The following LIG1 variants were observed in gnomAD, a reference collection of about 807,000 sequenced individuals.
The protein encoded by LIG1 is DNA ligase 1.
Under a neutral mutation model 115.7 loss-of-function variants are expected in LIG1, and 70 were observed. The ratio of observed to expected loss-of-function variants is 0.60; its 90% CI spans 0.50 to 0.74. The LOEUF is 0.74. Ranked by LOEUF, LIG1 falls within the 30% of genes least tolerant of loss-of-function variation. LIG1 has a pLI of 0.00. For synonymous variants in LIG1, 487 were observed against 495.3 expected, an observed-to-expected ratio of 0.98 and a Z score of 0.22; for missense variants, 1,115 against 1,225.6, an observed-to-expected ratio of 0.91 and a Z score of 1.35.
chr19:48,135,859 T>C (rs1437029529), intron 15 of LIG1, 80 bp from the exon 16 acceptor site: 4 of 1,350,140 alleles, frequency 3.0e-6, no homozygotes, highest in South Asian at 1.2e-5. Flanking sequence ...GTTTGCTGTA[T>C]GGCAAGGAAT....
rs548325861 is a variant in LIG1, at chr19:48,137,755, G to A, written c.1088-67C>T. On this transcript the variant is annotated intron_variant, in intron 12 of 27. Transcript: ENST00000263274. The surrounding 1 kb of genome is among the most constrained non-coding windows in gnomAD (Gnocchi z 4.3). The stretch of plus-strand genomic sequence containing the variant: ...TGTGGCTGCGTGTCTCCCTTCTCTC[G>A]CGGCCTGGATGAATTTTCTCCAGCT... 3.9e-5 allele frequency: 62 copies of A among 1,571,814 alleles called. No individual in the cohort carries two copies. Among genetic ancestry groups the A allele is most frequent in the East Asian group, 2.5e-4 (11 of 43,906 alleles).
chr19:48,149,924 C>G (rs2035359547), intron 8 of LIG1, 83 bp from the exon 9 acceptor site: 1 of 1,542,462 alleles, frequency 6.5e-7, no homozygotes, highest in Non-Finnish European at 8.9e-7. Context: ...CAGCACCACC[C>G]CAGTGCTCAG....
chr19:48,127,473 G>A, intron 20 of LIG1, 125 bp from the exon 21 acceptor site: 1 of 869,496 alleles, frequency 1.2e-6, no homozygotes. Context: ...CATCTGTGAG[G>A]GCGGCCATGC....
At chr19:48,143,421 G>A (rs1599811747) in intron 11 of LIG1, 122 bp downstream of exon 11, 5 of 899,276 alleles carry the variant, frequency 5.6e-6, no homozygotes, top group South Asian at 2.6e-5. Context: ...ATGATCATAC[G>A]CCCGAGCGGG....
intron 12 of LIG1, 28 bp downstream of exon 12, chr19:48,139,943 T>C (rs1568511453): frequency 1.9e-6 from 3 of 1,613,132 alleles, no homozygotes; most frequent in Admixed American, 3.3e-5. Flanking sequence ...CCTGTCCTTC[T>C]GGTCCCTCCA....
Position 48,131,570 on chromosome 19 carries a change from C to T in LIG1, c.1726-399G>A, listed in dbSNP as rs552318217. On this transcript the variant is annotated intron_variant, in intron 18 of 27. Coordinates refer to ENST00000263274, the MANE Select transcript of LIG1 (RefSeq NM_000234.3). ...ACCTCCCGGGTTCAAGAGAGCCTTC[C>T]GCCTCAGCCTCCCAAGGAGCTGGGA... Among the ~76,000 whole-genome samples, 24 of 152,278 alleles carry T rather than the reference C, an allele frequency of 1.6e-4. No homozygotes were observed. The South Asian group carries it at 2.5e-3, about 16-fold the overall frequency.
At chr19:48,142,457 A>AAAAAAAAAAAAAAAAAAAAAAAAC (rs71181650) in intron 11 of LIG1, among the ~76,000 whole-genome samples, 1 of 148,046 alleles carries the variant, frequency 6.8e-6, no homozygotes, top group Non-Finnish European at 1.5e-5. Flanking sequence ...AAAAAAAAAA[A>AAAAAAAAAAAAAAAAAAAAAAAAC]CAGAGTGCTG....
At chr19:48,169,981 C>T (rs2036716467) in intron 1 of LIG1, 3 of 271,966 alleles carry the variant, frequency 1.1e-5, no homozygotes, top group Admixed American at 6.0e-5. Context: ...CACCTCAAGG[C>T]CTCTTCTCAG....
Position 48,115,969 on chromosome 19 carries a change from C to T in LIG1, c.2584-4G>A, listed in dbSNP as rs199958887. 2.2e-5 allele frequency: 35 copies of T among 1,612,248 alleles called. No individual in the cohort carries two copies. The highest frequency in any genetic ancestry group is 9.3e-5 in the African/African-American group (7 of 75,004). On this transcript the variant is annotated splice_polypyrimidine_tract_variant and splice_region_variant and intron_variant, in intron 26 of 27. Transcript: ENST00000263274. ...AGATGCCCTTGTCACTATCCACCTGCGGAAGCGGGATGGAGACTCCTGCGG... is the reference window on the plus strand; with the variant it reads ...AGATGCCCTTGTCACTATCCACCTGTGGAAGCGGGATGGAGACTCCTGCGG...
intron 21 of LIG1, among the ~76,000 whole-genome samples, chr19:48,124,493 G>A (rs1343270580): frequency 1.3e-5 from 2 of 152,190 alleles, no homozygotes; most frequent in Non-Finnish European, 2.9e-5. Flanking sequence ...CCAGCCATGT[G>A]TAGCAATTGA....
chr19:48,162,312 C>T lies in LIG1; in HGVS notation c.57G>A (p.Lys19=). The T allele has an allele frequency of 6.2e-7, 1 of 1,613,982 alleles. No homozygotes were observed. The highest frequency in any genetic ancestry group is 8.5e-7 in the Non-Finnish European group (1 of 1,179,992). ...TGCTATTGGATGCCTCCTTCTCAGG[C>T]TTCTTTGCTTTACCCTCTTTCTTGG... ...FHPKKEGKAK[K]PEKEASNSSR... Residue 19 remains lysine (K), a synonymous_variant, in exon 3 of 28, where the codon AAG becomes AAA. Coordinates refer to ENST00000263274, the MANE Select transcript of LIG1 (RefSeq NM_000234.3).
Position 48,143,933 on chromosome 19 carries a change from G to C in LIG1, c.807C>G (p.Ala269=). The change falls in exon 10 of 28, where the codon GCC becomes GCG. Residue 269 remains alanine, a synonymous_variant. Coordinates refer to ENST00000263274, the MANE Select transcript of LIG1 (RefSeq NM_000234.3). ...CTTCCACGGGATGATAGTTGTTCTTGGCAGGATTGTAACCAGATGGATCCA... is the reference window on the plus strand; with the variant it reads ...CTTCCACGGGATGATAGTTGTTCTTCGCAGGATTGTAACCAGATGGATCCA... ...GPLDPSGYNP[A]KNNYHPVEDA... 1 of 1,614,050 alleles carries C rather than the reference G, an allele frequency of 6.2e-7. No individual in the cohort carries two copies. The highest frequency in any genetic ancestry group is 8.5e-7 in the Non-Finnish European group (1 of 1,179,964).
chr19:48,143,938 G>A lies in LIG1; in HGVS notation c.802C>T (p.Pro268Ser). ...EGPLDPSGYN[P>S]AKNNYHPVED... ...ACGGGATGATAGTTGTTCTTGGCAG[G>A]ATTGTAACCAGATGGATCCAGGGGT... The change falls in exon 10 of 28, where the codon CCT (proline) becomes TCT (serine). Residue 268 changes from proline (P) to serine (S), a missense_variant. Coordinates refer to ENST00000263274, the MANE Select transcript of LIG1 (RefSeq NM_000234.3). The A allele has an allele frequency of 6.2e-7, 1 of 1,614,074 alleles. No homozygotes were observed. The highest frequency in any genetic ancestry group is 2.2e-5 in the East Asian group (1 of 44,876).
chr19:48,165,468 T>A (rs369730984), intron 2 of LIG1, 82 bp downstream of exon 2: 702 of 1,145,042 alleles, frequency 6.1e-4, no homozygotes, highest in Non-Finnish European at 8.8e-4. Flanking sequence ...TGTTTGTTTG[T>A]TTGTTTTTTT....
In LIG1 at chr19:48,165,506, G is replaced by A. The variant is rs200053880; in HGVS notation, c.17+44C>T. On this transcript the variant is annotated intron_variant, in intron 2 of 27. Transcript: ENST00000263274. ...GTACAGATTTAGAGAAAGAAACAGA[G>A]GACTTGGAGAAGGAAAGACTCAGGG... 7.6e-4 allele frequency: 1,035 copies of A among 1,360,998 alleles called. 6 individuals are homozygous for A. The African/African-American group carries it at 0.013, about 17-fold the overall frequency. The allele number at this position is 1,360,998 out of a possible 1,614,324, so 84.3% of individuals were successfully genotyped here. A position where few individuals can be genotyped will look rare whatever the true frequency, so the allele number is the denominator to read the frequency against.
At chr19:48,130,402 C>A (rs2033937341) in intron 19 of LIG1, among the ~76,000 whole-genome samples, 1 of 152,200 alleles carries the variant, frequency 6.6e-6, no homozygotes, top group Admixed American at 6.5e-5. Flanking sequence ...CTCGAACAGG[C>A]ACGAGACCCC....
chr19:48,123,344 G>A (rs1457147683), intron 21 of LIG1, 26 bp from the exon 22 acceptor site: 2 of 1,610,206 alleles, frequency 1.2e-6, no homozygotes, highest in Admixed American at 1.7e-5. Flanking sequence ...GGAGAAGAGA[G>A]ATGAGACATC....
intron 25 of LIG1, 21 bp from the exon 26 acceptor site, chr19:48,117,802 G>C (rs1392100487): frequency 6.2e-7 from 1 of 1,610,430 alleles, no homozygotes; most frequent in South Asian, 1.1e-5. Flanking sequence ...CAGAGGAAGA[G>C]AGGAACAGAG....
intron 24 of LIG1, 85 bp downstream of exon 24, chr19:48,121,085 G>T (rs117988002): frequency 6.2e-7 from 1 of 1,609,724 alleles, no homozygotes; most frequent in East Asian, 2.2e-5. Flanking sequence ...AGCACCCCTC[G>T]GTCTGGGTTG....
Sources: allele counts gnomAD v4.1 joint callset (sites outside exome capture counted in the v4.1 genomes callset), GRCh38; gene constraint gnomAD v4.1.1; non-coding constraint Gnocchi (gnomAD v3.1); transcripts MANE v1.5; gene names NCBI Gene and HGNC (gene_info 2026-07-23, HGNC 2026-07-21).